MTNR1A: variants seen among roughly 807,000 people sequenced by gnomAD.
MTNR1A encodes melatonin receptor type 1A.
MTNR1A carries 7 observed loss-of-function variants against 5.5 expected under a neutral mutation model. The ratio of observed to expected loss-of-function variants is 1.28; its 90% confidence interval spans 0.73 to 2.40. The LOEUF is 2.40. Ranked by LOEUF, MTNR1A falls within the 30% of genes most tolerant of loss-of-function variation. MTNR1A has a pLI of 0.00. For missense variants in MTNR1A, 441 were observed against 464.4 expected (o/e 0.95, Z 0.46); for synonymous variants, 196 against 202.7 (o/e 0.97, Z 0.28).
chr4:186,550,064 A>G (rs955773058), intron 1 of MTNR1A, among the ~76,000 whole-genome samples: 1 of 152,226 alleles, frequency 6.6e-6, no homozygotes, highest in African/African-American at 2.4e-5. Context: ...CTCTGTAGAA[A>G]GACAAGTGTT....
chr4:186,536,451 G>A, intron 1 of MTNR1A, among the ~76,000 whole-genome samples: 1 of 152,174 alleles, frequency 6.6e-6, no homozygotes. Context: ...GCGCTGGACA[G>A]GGACAGAGGG....
At position 186,551,618 on chromosome 4, in the gene MTNR1A, G is replaced by A. The variant is rs546510367; in HGVS notation, c.184+3564C>T. ...GATGAATGGGTGGTTGGACGTATAGGTGGGTGGATGGGTAGGTAAGTGGAC... is the reference window on the plus strand; with the variant it reads ...GATGAATGGGTGGTTGGACGTATAGATGGGTGGATGGGTAGGTAAGTGGAC... On this transcript the variant is annotated intron_variant, in intron 1 of 1. Coordinates refer to ENST00000307161, the MANE Select transcript of MTNR1A (RefSeq NM_005958.4). Among the ~76,000 whole-genome samples, 29 of 152,192 alleles carry A rather than the reference G, an allele frequency of 1.9e-4. 1 individual carries two copies. In the South Asian group the frequency reaches 4.0e-3, roughly 21 times the overall value.
chr4:186,552,505 G>A (rs1281788117), intron 1 of MTNR1A, among the ~76,000 whole-genome samples: 1 of 152,190 alleles, frequency 6.6e-6, no homozygotes, highest in African/African-American at 2.4e-5. Flanking sequence ...ATAGAAAAAT[G>A]CACGAATCAT....
At chr4:186,554,297 T>C (rs1268547502) in intron 1 of MTNR1A, among the ~76,000 whole-genome samples, 1 of 152,174 alleles carries the variant, frequency 6.6e-6, no homozygotes, top group Non-Finnish European at 1.5e-5. Flanking sequence ...TTAGAGCTTT[T>C]CTTAACCACC....
chr4:186,554,641 T>G (rs1737332134), intron 1 of MTNR1A, among the ~76,000 whole-genome samples: 1 of 152,210 alleles, frequency 6.6e-6, no homozygotes, highest in East Asian at 1.9e-4. Context: ...GTTTTTAAAG[T>G]GTCAACTTGT....
At chr4:186,536,170 AC>A (rs1169444982) in intron 1 of MTNR1A, among the ~76,000 whole-genome samples, 1 of 151,868 alleles carries the variant, frequency 6.6e-6, no homozygotes, top group Non-Finnish European at 1.5e-5. Flanking sequence ...ACATGGTGAC[AC>A]CCCGTCTCTA....
chr4:186,538,968 C>T (rs1281740591), intron 1 of MTNR1A, among the ~76,000 whole-genome samples: 1 of 152,054 alleles, frequency 6.6e-6, no homozygotes, highest in Non-Finnish European at 1.5e-5. Flanking sequence ...GCCTGTAATC[C>T]CAGCACTTTG....
intron 1 of MTNR1A, among the ~76,000 whole-genome samples, chr4:186,545,628 CCTT>C (rs1286068890): frequency 2.0e-5 from 3 of 152,164 alleles, no homozygotes; most frequent in Admixed American, 6.5e-5. Context: ...AATATTCACT[CCTT>C]CTTTCATTTC....
intron 1 of MTNR1A, among the ~76,000 whole-genome samples, chr4:186,549,843 T>A (rs955130791): frequency 6.6e-6 from 1 of 152,174 alleles, no homozygotes; most frequent in African/African-American, 2.4e-5. Flanking sequence ...AGGAATGCAG[T>A]AAGTATTTAT....
In MTNR1A at chr4:186,534,119, A is replaced by G; in HGVS notation, c.623T>C (p.Leu208Pro). The G allele has an allele frequency of 1.2e-6, 2 of 1,613,730 alleles. No individual in the cohort carries two copies. Among genetic ancestry groups the G allele is most frequent in the Non-Finnish European group, 1.7e-6 (2 of 1,179,628 alleles). The change falls in exon 2 of 2, where the codon CTG becomes CCG. Residue 208 changes from leucine (L) to proline (P), a missense_variant. Physicochemically the swap from Leu to Pro is moderately conservative, Grantham distance 98. Coordinates refer to ENST00000307161, the MANE Select transcript of MTNR1A (RefSeq NM_005958.4). ...CTGGAGAACCAGGATCCATATTCTC[A>G]GGTAACAGAAGATGACTATGATCAT... ...VPMIIVIFCY[L>P]RIWILVLQVR... is the part of the protein sequence containing the mutation.
At chr4:186,541,138 A>G (rs936649156) in intron 1 of MTNR1A, among the ~76,000 whole-genome samples, 1 of 152,202 alleles carries the variant, frequency 6.6e-6, no homozygotes, top group East Asian at 1.9e-4. Flanking sequence ...ATAAGAAAGA[A>G]AAAAACCTTC....
chr4:186,534,041 A>G lies in MTNR1A; in HGVS notation c.701T>C (p.Phe234Ser). 6.2e-7 allele frequency: 1 copy of G among 1,614,094 alleles called. No individual in the cohort carries two copies. Reference protein sequence around the residue: ...DRKPKLKPQDFRNFVTMFVVF... With the variant: ...DRKPKLKPQDSRNFVTMFVVF... ...CACAAACATGGTGACAAAATTCCTG[A>G]AGTCCTGTGGTTTCAGTTTGGGTTT... Residue 234 changes from phenylalanine to serine, a missense_variant, in exon 2 of 2, where the codon TTC (phenylalanine) becomes TCC (serine). Phe to Ser is a radical substitution (Grantham distance 155, BLOSUM62 -2). Coordinates refer to ENST00000307161, the MANE Select transcript of MTNR1A (RefSeq NM_005958.4).
At chr4:186,551,395 A>G (rs1345698532) in intron 1 of MTNR1A, among the ~76,000 whole-genome samples, 1 of 152,014 alleles carries the variant, frequency 6.6e-6, no homozygotes, top group Non-Finnish European at 1.5e-5. Context: ...ACTGTTTTCC[A>G]GTTCATATTG....
chr4:186,553,673 A>G (rs559694720), intron 1 of MTNR1A, among the ~76,000 whole-genome samples: 38 of 152,268 alleles, frequency 2.5e-4, no homozygotes, highest in Middle Eastern at 3.4e-3. Flanking sequence ...CACCACATCC[A>G]GCTAATTTTT....
At chr4:186,536,346 CA>C (rs1225264699) in intron 1 of MTNR1A, among the ~76,000 whole-genome samples, 108 of 121,526 alleles carry the variant, frequency 8.9e-4, no homozygotes, top group Non-Finnish European at 7.6e-4. Context: ...AACTCCGTAT[CA>C]AAAAAAAAAA....
chr4:186,553,937 C>T lies in MTNR1A; in HGVS notation c.184+1245G>A, dbSNP rs374410101. On this transcript the variant is annotated intron_variant, in intron 1 of 1. Coordinates refer to ENST00000307161, the MANE Select transcript of MTNR1A (RefSeq NM_005958.4). ...TTCAACCGGGCTCACACCTACAGTC[C>T]CTGGGAACAATCTGCAGCCCCAGTT... Among the ~76,000 whole-genome samples, 8 of 152,176 alleles carry T rather than the reference C, an allele frequency of 5.3e-5. No individual in the cohort carries two copies. In the South Asian group the frequency reaches 1.7e-3, roughly 32 times the overall value.
At chr4:186,552,799 G>A (rs1375652467) in intron 1 of MTNR1A, among the ~76,000 whole-genome samples, 3 of 152,156 alleles carry the variant, frequency 2.0e-5, no homozygotes, top group Non-Finnish European at 4.4e-5. Context: ...TGCGGGAATC[G>A]TCCCTTATGC....
chr4:186,547,179 C>A, intron 1 of MTNR1A, among the ~76,000 whole-genome samples: 1 of 70,562 alleles, frequency 1.4e-5, no homozygotes, highest in Non-Finnish European at 2.8e-5. Flanking sequence ...TGGGACACAC[C>A]ATCCACACCA....
chr4:186,548,611 G>T (rs1737203546), intron 1 of MTNR1A, among the ~76,000 whole-genome samples: 1 of 151,440 alleles, frequency 6.6e-6, no homozygotes, highest in African/African-American at 2.4e-5. Context: ...TACAATATTA[G>T]TATTGTCCCA....
Sources: gnomAD v4.1 joint callset for allele counts (sites outside exome capture counted in the v4.1 genomes callset) on GRCh38, gnomAD v4.1.1 for gene constraint, MANE v1.5 for transcripts, NCBI Gene and HGNC (gene_info 2026-07-23, HGNC 2026-07-21) for gene names.